ADCY8: variants seen among roughly 807,000 people sequenced by gnomAD.
ADCY8 encodes adenylate cyclase 8.
Under a neutral mutation model 119.7 loss-of-function variants are expected in ADCY8, and 51 were observed. The ratio of observed to expected loss-of-function variants is 0.43; its 90% CI spans 0.34 to 0.54. ADCY8 has a LOEUF of 0.54. Among genes scored for constraint, ADCY8 ranks in the 20% least tolerant of loss-of-function variants. ADCY8 has a pLI of 0.03. For synonymous variants in ADCY8, 665 were observed against 651.0 expected (o/e 1.02, Z -0.33); for missense variants, 1,383 against 1,598.8 (o/e 0.87, Z 2.30).
chr8:130,981,669 T>G (rs1822244894), intron 2 of ADCY8, among the ~76,000 whole-genome samples: 2 of 152,206 alleles, frequency 1.3e-5, no homozygotes, highest in Admixed American at 1.3e-4. Flanking sequence ...GAGCATAGGG[T>G]CATGAACTGT....
At chr8:131,019,825 CTCTCTCTCTCTCTG>C (rs1823600169) in intron 1 of ADCY8, among the ~76,000 whole-genome samples, 1 of 124,582 alleles carries the variant, frequency 8.0e-6, no homozygotes, top group African/African-American at 3.4e-5. Context: ...CTCTCTCTCT[CTCTCTCTCTCTCTG>C]TCTGTCTCTC....
At chr8:130,892,590 C>A (rs1022790109) in intron 7 of ADCY8, 1 of 152,040 alleles carries the variant, frequency 6.6e-6, no homozygotes, top group African/African-American at 2.4e-5. Flanking sequence ...GGTTTAGGTC[C>A]CAGGATATCC....
intron 7 of ADCY8, among the ~76,000 whole-genome samples, chr8:130,889,538 C>A (rs1243113946): frequency 6.6e-6 from 1 of 152,158 alleles, no homozygotes; most frequent in Non-Finnish European, 1.5e-5. Context: ...TTCTTCCCTG[C>A]TTTTATTCAG....
chr8:130,847,623 C>G, intron 10 of ADCY8, 110 bp from the exon 11 acceptor site: 1 of 868,436 alleles, frequency 1.2e-6, no homozygotes, highest in South Asian at 1.7e-5. Context: ...TGGGCTTCAG[C>G]ACGAGCCTGG....
At chr8:130,955,896 G>A (rs925143839) in intron 2 of ADCY8, among the ~76,000 whole-genome samples, 1 of 152,168 alleles carries the variant, frequency 6.6e-6, no homozygotes, top group African/African-American at 2.4e-5. Context: ...TGTAATCCCA[G>A]CACTTTGGGA....
In ADCY8 at chr8:131,017,230, C is replaced by T. The variant is rs533072825; in HGVS notation, c.960+22144G>A. On this transcript the variant is annotated intron_variant, in intron 1 of 17. Coordinates refer to ENST00000286355, the MANE Select transcript of ADCY8 (RefSeq NM_001115.3). ...GACTACAGGCATGTGCCACCACGCC[C>T]GGCTAATTTGTGTATTTTTAGTAGA... is the stretch of plus-strand genomic sequence containing the variant. Among the ~76,000 whole-genome samples the T allele has an allele frequency of 2.1e-3, 315 of 152,094 alleles. 2 individuals carry two copies. The highest frequency in any genetic ancestry group is 3.6e-3 in the Non-Finnish European group (247 of 67,980).
intron 7 of ADCY8, among the ~76,000 whole-genome samples, chr8:130,894,657 A>G (rs1819321293): frequency 6.6e-6 from 1 of 152,168 alleles, no homozygotes; most frequent in Admixed American, 6.6e-5. Context: ...TGCTTACTGA[A>G]GATAAGCCAC....
intron 1 of ADCY8, among the ~76,000 whole-genome samples, chr8:131,026,098 G>T (rs1823814731): frequency 6.6e-6 from 1 of 152,176 alleles, no homozygotes; most frequent in Admixed American, 6.5e-5. Flanking sequence ...ATGTTGCTAT[G>T]GTCTGAATGT....
rs138475602 is a variant in ADCY8, at chr8:130,947,256, CACTA to C, written c.1242-3798_1242-3795del. 1.9e-4 allele frequency among the ~76,000 whole-genome samples: 29 copies of C among 152,060 alleles called. No homozygotes were observed. In the East Asian group the frequency reaches 4.3e-3, roughly 22 times the overall value. ...ACGTGGTCCCTGTGTAGACTCCTCTCACTAACTAAGTTTCAGATGTGTTCGGTGT... is the reference window on the plus strand; with the variant it reads ...ACGTGGTCCCTGTGTAGACTCCTCTCACTAAGTTTCAGATGTGTTCGGTGT... On this transcript the variant is annotated intron_variant, in intron 3 of 17. Coordinates refer to ENST00000286355, the MANE Select transcript of ADCY8 (RefSeq NM_001115.3).
intron 2 of ADCY8, among the ~76,000 whole-genome samples, chr8:130,974,943 T>G (rs112892115): frequency 0.012 from 1,830 of 152,286 alleles, 46 homozygotes; most frequent in African/African-American, 0.042. Flanking sequence ...TGCCAGGGTG[T>G]ATCTAGAAGG....
intron 3 of ADCY8, among the ~76,000 whole-genome samples, chr8:130,947,273 A>G (rs1409780964): frequency 6.6e-6 from 1 of 152,116 alleles, no homozygotes; most frequent in Non-Finnish European, 1.5e-5. Context: ...TAAGTTTCAG[A>G]TGTGTTCGGT....
At position 130,923,793 on chromosome 8, in the gene ADCY8, T is replaced by C. The variant is rs147711157; in HGVS notation, c.1481+13280A>G. Among the ~76,000 whole-genome samples the C allele has an allele frequency of 2.2e-3, 339 of 152,366 alleles. 3 individuals are homozygous for C. The highest frequency in any genetic ancestry group is 7.6e-3 in the African/African-American group (318 of 41,602). On this transcript the variant is annotated intron_variant, in intron 5 of 17. Transcript: ENST00000286355. ...GCATGAGATGACATTAAGTGTTTCA[T>C]TGGAAATAAAATTACATTCAATCTC... is the stretch of plus-strand genomic sequence containing the variant.
intron 2 of ADCY8, among the ~76,000 whole-genome samples, chr8:130,990,071 G>T (rs894849128): frequency 2.6e-5 from 4 of 152,176 alleles, no homozygotes; most frequent in Admixed American, 1.3e-4. Flanking sequence ...AAGAAAGAGG[G>T]TCAAAGATAG....
At chr8:130,916,725 G>C (rs949422313) in intron 5 of ADCY8, among the ~76,000 whole-genome samples, 124 of 152,330 alleles carry the variant, frequency 8.1e-4, no homozygotes, top group Non-Finnish European at 1.8e-4. Flanking sequence ...GTGCCTTAAG[G>C]GCATGTTCCT....
At position 130,931,030 on chromosome 8, in the gene ADCY8, C is replaced by T. The variant is rs546345167; in HGVS notation, c.1481+6043G>A. 2.0e-5 allele frequency among the ~76,000 whole-genome samples: 3 copies of T among 152,076 alleles called. No individual in the cohort carries two copies. The South Asian group carries it at 6.2e-4, about 32-fold the overall frequency. ...AATTTTACTTTGTACTTATTTTTAC[C>T]AGTGAGTTGTACTTTCAAATGTTTT... On this transcript the variant is annotated intron_variant, in intron 5 of 17. Transcript: ENST00000286355.
Position 130,797,347 on chromosome 8 carries a change from G to A in ADCY8, c.3060+3079C>T, listed in dbSNP as rs943217469. 2.0e-5 allele frequency among the ~76,000 whole-genome samples: 3 copies of A among 152,052 alleles called. No homozygotes were observed. The South Asian group carries it at 6.2e-4, about 32-fold the overall frequency. On this transcript the variant is annotated intron_variant, in intron 15 of 17. Transcript: ENST00000286355. ...GGAAGCCAAAACACTGGACACCCCT[G>A]CTATAAAGTTTAAAATACAACAAAG...
Position 131,040,081 on chromosome 8 carries a change from C to A in ADCY8, c.253G>T (p.Gly85Cys). The change falls in exon 1 of 18, where the codon GGC becomes TGC. Residue 85 changes from glycine (G) to cysteine (C), a missense_variant. By Grantham distance (159) the Gly-to-Cys change is radical. Transcript: ENST00000286355. The stretch of plus-strand genomic sequence containing the variant: ...GAGTAGAGGGGCAGCGCCGAGTCGC[C>A]TGACAGCTGCGGCGCGTGGTGGTTG... ...GPNHHAPQLS[G>C]DSALPLYSLG... The A allele has an allele frequency of 6.5e-7, 1 of 1,534,302 alleles. No homozygotes were observed. The highest frequency in any genetic ancestry group is 8.7e-7 in the Non-Finnish European group (1 of 1,145,968).
At chr8:130,957,455 G>A (rs538138298) in intron 2 of ADCY8, among the ~76,000 whole-genome samples, 1 of 152,170 alleles carries the variant, frequency 6.6e-6, no homozygotes, top group Non-Finnish European at 1.5e-5. Flanking sequence ...ATAAAAGTTT[G>A]GAAAATTTGC....
intron 6 of ADCY8, among the ~76,000 whole-genome samples, chr8:130,909,002 TCTCTCTC>T (rs777385073): frequency 0.085 from 12,763 of 150,174 alleles, 570 homozygotes; most frequent in Non-Finnish European, 0.097. Flanking sequence ...TCTCTCTCTC[TCTCTCTC>T]TTTCTCTATC....
Sources: allele counts gnomAD v4.1 joint callset (sites outside exome capture counted in the v4.1 genomes callset), GRCh38; gene constraint gnomAD v4.1.1; transcripts MANE v1.5; gene names NCBI Gene and HGNC (gene_info 2026-07-23, HGNC 2026-07-21).